Variants in EPAS1 observed in about 807,000 individuals in gnomAD.
The protein encoded by EPAS1 is endothelial PAS domain protein 1, also known as endothelial PAS domain-containing protein 1.
In EPAS1, 23 loss-of-function variants were observed where a neutral mutation model predicts 87.9. The ratio of observed to expected loss-of-function variants is 0.26; its 90% CI spans 0.19 to 0.37. The LOEUF (loss-of-function observed/expected upper bound fraction) is 0.37, where lower values mean the gene tolerates loss of function less well. EPAS1 is among the 10% of genes least tolerant of loss of function. The pLI is 1.00. For missense variants in EPAS1, 1,138 were observed against 1,120.7 expected (o/e 1.02, Z -0.22); for synonymous variants, 508 against 444.3 (o/e 1.14, Z -1.80).
At chr2:46,336,335 T>A (rs373000957) in intron 1 of EPAS1, among the ~76,000 whole-genome samples, 3 of 152,128 alleles carry the variant, frequency 2.0e-5, no homozygotes, top group African/African-American at 7.2e-5. Context: ...GTAGAACGTT[T>A]GCATAGAAAA....
chr2:46,345,942 G>T lies in EPAS1; in HGVS notation c.27-931G>T, dbSNP rs60050274. On this transcript the variant is annotated intron_variant, in intron 1 of 15. Transcript: ENST00000263734. ...TAGTCCTCACAGTTAACTCTGTAGG[G>T]TAAGCACTATTGTTACCATTTTACA... 3.5e-3 allele frequency among the ~76,000 whole-genome samples: 540 copies of T among 152,290 alleles called. 4 individuals carry two copies. The highest frequency in any genetic ancestry group is 0.012 in the African/African-American group (508 of 41,552).
intron 2 of EPAS1, among the ~76,000 whole-genome samples, chr2:46,354,326 T>C (rs1028848563): frequency 2.0e-5 from 3 of 152,188 alleles, no homozygotes; most frequent in Non-Finnish European, 4.4e-5. Flanking sequence ...GACATATTAC[T>C]CTCATCCACT....
intron 1 of EPAS1, among the ~76,000 whole-genome samples, chr2:46,305,461 C>T (rs890608303): frequency 4.6e-5 from 7 of 152,074 alleles, no homozygotes; most frequent in African/African-American, 1.7e-4. Flanking sequence ...CCACTGCCCC[C>T]ACTCCCCCGA....
intron 6 of EPAS1, among the ~76,000 whole-genome samples, chr2:46,365,227 A>G (rs1277659946): frequency 6.6e-6 from 1 of 152,196 alleles, no homozygotes; most frequent in Non-Finnish European, 1.5e-5. Context: ...TGTGGATAGG[A>G]GCAGTATCAC....
intron 1 of EPAS1, among the ~76,000 whole-genome samples, chr2:46,325,387 C>T (rs1683535287): frequency 6.6e-6 from 1 of 152,146 alleles, no homozygotes; most frequent in Admixed American, 6.5e-5. Flanking sequence ...TGGGCATTTC[C>T]TTGAGGCTGA....
chr2:46,303,617 G>A (rs1211705215), intron 1 of EPAS1, among the ~76,000 whole-genome samples: 1 of 152,182 alleles, frequency 6.6e-6, no homozygotes, highest in Non-Finnish European at 1.5e-5. Flanking sequence ...TTCTTAACCA[G>A]GCTTTGTGAA....
At chr2:46,376,129 T>C (rs1468765089) in intron 8 of EPAS1, among the ~76,000 whole-genome samples, 2 of 151,950 alleles carry the variant, frequency 1.3e-5, no homozygotes. Context: ...GTCAATATTT[T>C]CTGAATGGGG....
At chr2:46,374,063 G>GT (rs1370478959) in intron 7 of EPAS1, among the ~76,000 whole-genome samples, 1 of 152,242 alleles carries the variant, frequency 6.6e-6, no homozygotes, top group Non-Finnish European at 1.5e-5. Context: ...TTATCAGATA[G>GT]TTCTGAACAC....
chr2:46,368,004 G>T (rs773854739), intron 6 of EPAS1, among the ~76,000 whole-genome samples: 33 of 152,218 alleles, frequency 2.2e-4, no homozygotes, highest in Non-Finnish European at 3.7e-4. Context: ...CCTTAGCAGT[G>T]CTGGGATAAA....
At chr2:46,342,282 A>T (rs1683929256) in intron 1 of EPAS1, among the ~76,000 whole-genome samples, 1 of 152,102 alleles carries the variant, frequency 6.6e-6, no homozygotes, top group Admixed American at 6.5e-5. Context: ...TGTTTCTCCT[A>T]TCAGGCAGCC....
At position 46,371,473 on chromosome 2, in the gene EPAS1, G is replaced by A. The variant is rs552271730; in HGVS notation, c.886+1540G>A. Among the ~76,000 whole-genome samples, 6 of 152,164 alleles carry A rather than the reference G, an allele frequency of 3.9e-5. No individual in the cohort carries two copies. The highest frequency in any genetic ancestry group is 1.9e-4 in the East Asian group (1 of 5,182). ...CTGTGCTCTCTGGCAAAACACACAC[G>A]CGCACACACAGACACACACACACAA... On this transcript the variant is annotated intron_variant, in intron 7 of 15. Transcript: ENST00000263734. The surrounding 1 kb of genome is among the most constrained non-coding windows in gnomAD (Gnocchi z 4.3).
intron 1 of EPAS1, among the ~76,000 whole-genome samples, chr2:46,306,065 A>G (rs1683104467): frequency 6.6e-6 from 1 of 152,234 alleles, no homozygotes; most frequent in African/African-American, 2.4e-5. Context: ...CATGAGCTGA[A>G]TCTGAGAAAG....
intron 11 of EPAS1, 60 bp downstream of exon 11, chr2:46,378,827 C>A: frequency 7.0e-7 from 1 of 1,420,938 alleles, no homozygotes; most frequent in Non-Finnish European, 1.0e-6. Flanking sequence ...ACAGCAAAGG[C>A]TCACATCCAT....
At chr2:46,322,248 T>TA (rs773324242) in intron 1 of EPAS1, among the ~76,000 whole-genome samples, 3 of 152,194 alleles carry the variant, frequency 2.0e-5, no homozygotes, top group African/African-American at 7.2e-5. Flanking sequence ...GCTAGGTTCT[T>TA]ATGCTGGCAG....
chr2:46,380,078 C>T lies in EPAS1; in HGVS notation c.1555-149C>T. 7.6e-7 allele frequency: 1 copy of T among 1,311,716 alleles called. No individual in the cohort carries two copies. Among genetic ancestry groups the T allele is most frequent in the Non-Finnish European group, 1.1e-6 (1 of 921,388 alleles). 81.3% of individuals were successfully genotyped at this position (1,311,716 alleles called of 1,614,324 possible). On this transcript the variant is annotated intron_variant, in intron 11 of 15. Coordinates refer to ENST00000263734, the MANE Select transcript of EPAS1 (RefSeq NM_001430.5). The surrounding 1 kb of genome is among the most constrained non-coding windows in gnomAD (Gnocchi z 4.4). ...TGACACAGCCAAGTCTGAGGTTTTC[C>T]TGATAGGCCCTCGGGAGCCAGTGGA...
intron 1 of EPAS1, among the ~76,000 whole-genome samples, chr2:46,329,738 C>T (rs1202300513): frequency 6.6e-6 from 1 of 152,126 alleles, no homozygotes; most frequent in Non-Finnish European, 1.5e-5. Flanking sequence ...GGGAGAATCG[C>T]TTGAACCCGG....
At position 46,369,816 on chromosome 2, in the gene EPAS1, T is replaced by A. The variant is rs1348919993; in HGVS notation, c.780-11T>A. 1 of 1,608,094 alleles carries A rather than the reference T, an allele frequency of 6.2e-7. No homozygotes were observed. ...CTTTCTTCCTTACATGCTGCCTTTT[T>A]AAAAACTCAGAATCACAGAACTGAT... On this transcript the variant is annotated splice_polypyrimidine_tract_variant and intron_variant, in intron 6 of 15. Transcript: ENST00000263734.
Position 46,383,658 on chromosome 2 carries a change from T to A in EPAS1, c.2462-851T>A, listed in dbSNP as rs528586850. Among the ~76,000 whole-genome samples the A allele has an allele frequency of 3.3e-5, 5 of 152,346 alleles. No homozygotes were observed. In the South Asian group the frequency reaches 8.3e-4, roughly 25 times the overall value. ...CTTCCTGTTATGTGAAGCCCACGAA[T>A]TACCTTGAATATTGAAATCAAGGGA... On this transcript the variant is annotated intron_variant, in intron 15 of 15. Coordinates refer to ENST00000263734, the MANE Select transcript of EPAS1 (RefSeq NM_001430.5).
rs140883499 is a variant in EPAS1 at position 46,342,838 on chromosome 2, T to C, written c.27-4035T>C. On this transcript the variant is annotated intron_variant, in intron 1 of 15. Transcript: ENST00000263734. ...AACTGTAGCATATCTCTGCTGACAA[T>C]TTTTGGACATTTCAGTTTTGTTTTA... 2.8e-3 allele frequency among the ~76,000 whole-genome samples: 424 copies of C among 152,230 alleles called. 1 individual carries two copies. The highest frequency in any genetic ancestry group is 9.7e-3 in the African/African-American group (403 of 41,478).
Sources: gnomAD v4.1 joint callset for allele counts (sites outside exome capture counted in the v4.1 genomes callset) on GRCh38, gnomAD v4.1.1 for gene constraint, Gnocchi (gnomAD v3.1) non-coding constraint, MANE v1.5 for transcripts, NCBI Gene and HGNC (gene_info 2026-07-23, HGNC 2026-07-21) for gene names.